ANK1: variants seen among roughly 807,000 people sequenced by gnomAD.
ANK1 encodes ankyrin-1.
In ANK1, 51 loss-of-function variants were observed where a neutral mutation model predicts 210.4. That is an observed-to-expected ratio of 0.24 (90% CI 0.19 to 0.31). The LOEUF (loss-of-function observed/expected upper bound fraction) is 0.31. ANK1 is among the 10% of genes least tolerant of loss of function. The pLI, the probability that ANK1 is intolerant of heterozygous loss-of-function variation, is 1.00. For missense variants in ANK1, 2,051 were observed against 2,504.4 expected (o/e 0.82, Z 3.86); for synonymous variants, 967 against 1,025.9 (o/e 0.94, Z 1.10).
At chr8:41,731,487 G>A (rs544432991) in intron 3 of ANK1, among the ~76,000 whole-genome samples, 1 of 152,264 alleles carries the variant, frequency 6.6e-6, no homozygotes, top group African/African-American at 2.4e-5. Flanking sequence ...GGAGATAGGA[G>A]GATGGGGAGA....
At chr8:41,736,742 G>A (rs1299735136) in intron 2 of ANK1, among the ~76,000 whole-genome samples, 1 of 152,228 alleles carries the variant, frequency 6.6e-6, no homozygotes, top group Non-Finnish European at 1.5e-5. Flanking sequence ...CTCTGGGACG[G>A]CCGGCCCCTG....
chr8:41,872,528 GA>G (rs1815734420), intron 1 of ANK1, among the ~76,000 whole-genome samples: 1 of 152,224 alleles, frequency 6.6e-6, no homozygotes, highest in Admixed American at 6.5e-5. Flanking sequence ...CACATTTCTG[GA>G]AGGTCATGCC....
intron 2 of ANK1, among the ~76,000 whole-genome samples, chr8:41,748,898 G>A (rs563204551): frequency 5.7e-4 from 87 of 152,218 alleles, no homozygotes; most frequent in African/African-American, 1.9e-3. Context: ...AGCCGGGCGT[G>A]GTGGCGGGCA....
chr8:41,849,173 T>C (rs2150810246), intron 1 of ANK1, among the ~76,000 whole-genome samples: 1 of 152,336 alleles, frequency 6.6e-6, no homozygotes, highest in Middle Eastern at 3.4e-3. Flanking sequence ...TCTGCCCATC[T>C]TCGAAGGCCT....
chr8:41,676,701 T>C (rs994507042), intron 37 of ANK1, among the ~76,000 whole-genome samples: 2 of 152,228 alleles, frequency 1.3e-5, no homozygotes, highest in Non-Finnish European at 2.9e-5. Flanking sequence ...AGAAGTTTTA[T>C]AGTTGTAGAT....
intron 10 of ANK1, 93 bp downstream of exon 10, chr8:41,719,568 G>A (rs1828700786): frequency 1.9e-6 from 3 of 1,545,012 alleles, no homozygotes; most frequent in Non-Finnish European, 1.8e-6. Flanking sequence ...CCGGGCACCT[G>A]CCGCCCTTCC....
intron 1 of ANK1, among the ~76,000 whole-genome samples, chr8:41,760,891 T>C: frequency 6.6e-6 from 1 of 152,022 alleles, no homozygotes; most frequent in Non-Finnish European, 1.5e-5. Flanking sequence ...CTCCTTCCTC[T>C]ACATGCCCTC....
At chr8:41,802,302 T>G (rs1850009024), upstream of ANK1, among the ~76,000 whole-genome samples, 1 of 152,210 alleles carries the variant, frequency 6.6e-6, no homozygotes, top group Non-Finnish European at 1.5e-5. Context: ...TAGTTTTACT[T>G]CTCATATTTA....
At chr8:41,827,488 CTT>C (rs935916110) in intron 1 of ANK1, among the ~76,000 whole-genome samples, 4 of 152,072 alleles carry the variant, frequency 2.6e-5, no homozygotes, top group African/African-American at 9.7e-5. Context: ...ATCTTCACAG[CTT>C]TAAAATAAAA....
intron 1 of ANK1, among the ~76,000 whole-genome samples, chr8:41,819,784 G>A (rs1393711977): frequency 6.6e-6 from 1 of 152,224 alleles, no homozygotes; most frequent in East Asian, 1.9e-4. Context: ...GCCTGGCAGA[G>A]GCCAGAGAGT....
intron 1 of ANK1, among the ~76,000 whole-genome samples, chr8:41,773,171 G>T (rs1219556590): frequency 6.6e-6 from 1 of 152,072 alleles, no homozygotes; most frequent in African/African-American, 2.4e-5. Flanking sequence ...AGTGCCCAGT[G>T]GTCAATTAAG....
chr8:41,868,393 G>A (rs985827700), intron 1 of ANK1, among the ~76,000 whole-genome samples: 6 of 152,140 alleles, frequency 3.9e-5, no homozygotes, highest in Non-Finnish European at 7.4e-5. Context: ...CTGGGGCGGT[G>A]GGGAAGGGCA....
intron 1 of ANK1, among the ~76,000 whole-genome samples, chr8:41,874,330 A>AT (rs1816149107): frequency 6.6e-6 from 1 of 152,220 alleles, no homozygotes. Context: ...TTCAGATCTT[A>AT]TATTTTTTTC....
At chr8:41,706,276 A>G (rs1034501006) in intron 17 of ANK1, 35 bp from the exon 18 acceptor site, 1 of 1,587,996 alleles carries the variant, frequency 6.3e-7, no homozygotes, top group Non-Finnish European at 8.6e-7. Flanking sequence ...CCTTCTATCA[A>G]GTAAAGAATT....
At chr8:41,751,169 A>G (rs1837616945) in intron 2 of ANK1, among the ~76,000 whole-genome samples, 1 of 152,224 alleles carries the variant, frequency 6.6e-6, no homozygotes, top group Non-Finnish European at 1.5e-5. Flanking sequence ...ATGAGAAAAA[A>G]TTTTGATTTG....
intron 20 of ANK1, 105 bp from the exon 21 acceptor site, chr8:41,702,249 G>C: frequency 1.1e-6 from 1 of 878,170 alleles, no homozygotes; most frequent in Admixed American, 2.1e-5. Context: ...TGTTCAGGAG[G>C]ACCTGAGTGG....
chr8:41,684,400 CTTG>C, intron 37 of ANK1, 141 bp downstream of exon 37: 1 of 1,339,210 alleles, frequency 7.5e-7, no homozygotes, highest in Non-Finnish European at 1.1e-6. Context: ...AAAGGAGGAA[CTTG>C]TTGCTGACAA....
intron 1 of ANK1, among the ~76,000 whole-genome samples, chr8:41,826,793 AT>A (rs967374601): frequency 4.6e-5 from 7 of 150,734 alleles, no homozygotes; most frequent in Admixed American, 1.3e-4. Context: ...TGTACCCTTC[AT>A]TTTTTTTTCT....
chr8:41,698,302 C>T (rs1422733297), intron 23 of ANK1, among the ~76,000 whole-genome samples, 181 bp from the exon 24 acceptor site: 5 of 152,220 alleles, frequency 3.3e-5, no homozygotes, highest in Non-Finnish European at 7.3e-5. Flanking sequence ...CCAACCTGCA[C>T]TTGTCGCCCC....
Sources: allele counts gnomAD v4.1 joint callset (sites outside exome capture counted in the v4.1 genomes callset), GRCh38; gene constraint gnomAD v4.1.1; transcripts MANE v1.5; gene names NCBI Gene and HGNC (gene_info 2026-07-23, HGNC 2026-07-21).